The following IPCEF1 variants were observed in gnomAD, a reference collection of about 807,000 sequenced individuals.
IPCEF1 encodes interaction protein for cytohesin exchange factors 1, also known as interactor protein for cytohesin exchange factors 1.
Under a neutral mutation model 50.9 loss-of-function variants are expected in IPCEF1, and 31 were observed. That is an observed-to-expected ratio of 0.61 (90% CI 0.46 to 0.82). The LOEUF is 0.82. Among genes scored for constraint, IPCEF1 ranks in the 40% least tolerant of loss-of-function variants. The pLI, the probability that IPCEF1 is intolerant of heterozygous loss-of-function variation, is 0.00. For missense variants in IPCEF1, 458 were observed against 514.0 expected, an observed-to-expected ratio of 0.89 and a Z score of 1.05; for synonymous variants, 181 against 192.0, an observed-to-expected ratio of 0.94 and a Z score of 0.47.
Position 154,214,207 on chromosome 6 carries a change from A to C in IPCEF1, c.451+11T>G, listed in dbSNP as rs781470046. On this transcript the variant is annotated intron_variant, in intron 8 of 11. Transcript: ENST00000367220. Reference sequence around the variant, plus strand: ...CTTGCTAAATTTTCAGAAATTTAAAATAGAACATACCTTCATCCTTTGTAG... The same window carrying C: ...CTTGCTAAATTTTCAGAAATTTAAACTAGAACATACCTTCATCCTTTGTAG... 6.3e-7 allele frequency: 1 copy of C among 1,575,808 alleles called. No individual in the cohort carries two copies. Among genetic ancestry groups the C allele is most frequent in the Non-Finnish European group, 8.7e-7 (1 of 1,145,126 alleles).
At chr6:154,197,503 C>A (rs1776710431) in intron 10 of IPCEF1, among the ~76,000 whole-genome samples, 1 of 152,222 alleles carries the variant, frequency 6.6e-6, no homozygotes, top group East Asian at 1.9e-4. Context: ...TTTTCTTTTC[C>A]TTTTTACCAA....
At chr6:154,341,677 G>A (rs910144824) in intron 1 of IPCEF1, among the ~76,000 whole-genome samples, 1 of 152,112 alleles carries the variant, frequency 6.6e-6, no homozygotes, top group Admixed American at 6.6e-5. Context: ...CCACTGGAAG[G>A]TTCAATGCGT....
At chr6:154,295,550 G>A (rs1223653002) in intron 1 of IPCEF1, among the ~76,000 whole-genome samples, 3 of 152,076 alleles carry the variant, frequency 2.0e-5, no homozygotes, top group Non-Finnish European at 4.4e-5. Context: ...AGCATTGCTT[G>A]GGGAACAGAG....
At chr6:154,186,545 CCTTT>C (rs1801366604) in intron 10 of IPCEF1, among the ~76,000 whole-genome samples, 2 of 151,772 alleles carry the variant, frequency 1.3e-5, no homozygotes, top group Middle Eastern at 3.4e-3. Context: ...CAGAGCAGCT[CCTTT>C]CTTTCTTTTT....
chr6:154,188,371 A>G (rs1168363746), intron 10 of IPCEF1, among the ~76,000 whole-genome samples: 1 of 152,238 alleles, frequency 6.6e-6, no homozygotes, highest in Non-Finnish European at 1.5e-5. Context: ...AAATGGAGAG[A>G]GGTAAAGAGA....
rs1780300350 is a variant in IPCEF1 at position 154,238,316 on chromosome 6, C to T, written c.246+8275G>A. ...TGTTGCCCAGGCTAGAGTGCAATGGCGCTGTCTCGGCTCACTGCAACCTCT... is the reference window on the plus strand; with the variant it reads ...TGTTGCCCAGGCTAGAGTGCAATGGTGCTGTCTCGGCTCACTGCAACCTCT... On this transcript the variant is annotated intron_variant, in intron 5 of 11. Coordinates refer to ENST00000367220, the MANE Select transcript of IPCEF1 (RefSeq NM_001130700.2). Among the ~76,000 whole-genome samples, 6 of 152,194 alleles carry T rather than the reference C, an allele frequency of 3.9e-5. 1 individual carries two copies. The South Asian group carries it at 6.2e-4, about 16-fold the overall frequency.
intron 5 of IPCEF1, among the ~76,000 whole-genome samples, chr6:154,245,557 G>A (rs1159860115): frequency 6.6e-6 from 1 of 152,190 alleles, no homozygotes; most frequent in Non-Finnish European, 1.5e-5. Flanking sequence ...TACTTATTTT[G>A]CATTTATAAA....
In IPCEF1 at chr6:154,155,127, T is replaced by A. The variant is rs1446405990; in HGVS notation, c.*4701A>T. The A allele has an allele frequency of 6.6e-6, 1 of 152,166 alleles. No individual in the cohort carries two copies. Among genetic ancestry groups the A allele is most frequent in the Non-Finnish European group, 1.5e-5 (1 of 68,022 alleles). 9.4% of individuals were successfully genotyped at this position (152,166 alleles called of 1,614,324 possible). ...TGTGCTGAAGAGGCAAGGGAATTGCTTCCTGCCCCACGACACAGAGAAACG... is the reference window on the plus strand; with the variant it reads ...TGTGCTGAAGAGGCAAGGGAATTGCATCCTGCCCCACGACACAGAGAAACG... On this transcript the variant is annotated 3_prime_UTR_variant, in exon 12 of 12. Transcript: ENST00000367220.
At chr6:154,237,901 C>A (rs529654831) in intron 5 of IPCEF1, among the ~76,000 whole-genome samples, 1 of 152,168 alleles carries the variant, frequency 6.6e-6, no homozygotes, top group South Asian at 2.1e-4. Flanking sequence ...CTATAAATAT[C>A]AATTCAATAT....
intron 1 of IPCEF1, among the ~76,000 whole-genome samples, chr6:154,317,564 A>AAG (rs1328847341): frequency 6.7e-6 from 1 of 149,568 alleles, no homozygotes; most frequent in East Asian, 1.9e-4. Flanking sequence ...AAAAAAAAAA[A>AAG]AAAAAAAAAA....
chr6:154,228,287 C>A lies in IPCEF1; in HGVS notation c.247-5044G>T, dbSNP rs6917621. Among the ~76,000 whole-genome samples the A allele has an allele frequency of 4.1e-3, 597 of 144,500 alleles. 6 individuals are homozygous for A. Among genetic ancestry groups the A allele is most frequent in the African/African-American group, 0.015 (577 of 38,506 alleles). 94.8% of individuals were successfully genotyped at this position (144,500 alleles called of 152,430 possible). On this transcript the variant is annotated intron_variant, in intron 5 of 11. Coordinates refer to ENST00000367220, the MANE Select transcript of IPCEF1 (RefSeq NM_001130700.2). ...TCAAGACCAGCCCAGACAACATAGG[C>A]AGACCTTGTCTCTGTTTAAAAAAAA...
chr6:154,331,389 A>AAGAAAGAAAGAAAGAC (rs1783660571), intron 1 of IPCEF1, among the ~76,000 whole-genome samples: 1 of 138,058 alleles, frequency 7.2e-6, no homozygotes, highest in African/African-American at 2.6e-5. Flanking sequence ...GAAAGAAAGA[A>AAGAAAGAAAGAAAGAC]AGAAAGAAAG....
chr6:154,335,563 C>T (rs1390172183), intron 1 of IPCEF1, among the ~76,000 whole-genome samples: 2 of 151,852 alleles, frequency 1.3e-5, no homozygotes, highest in African/African-American at 2.4e-5. Flanking sequence ...AGGTCGAGCA[C>T]GGTGGCTCAT....
intron 5 of IPCEF1, among the ~76,000 whole-genome samples, chr6:154,234,191 C>T (rs1779935171): frequency 6.6e-6 from 1 of 152,082 alleles, no homozygotes; most frequent in Non-Finnish European, 1.5e-5. Context: ...GAGACCCCAT[C>T]TCTAAAAAAA....
At chr6:154,223,284 A>G (rs1000542321) in intron 5 of IPCEF1, 41 bp from the exon 6 acceptor site, 5 of 1,438,188 alleles carry the variant, frequency 3.5e-6, no homozygotes, top group African/African-American at 1.4e-5. Flanking sequence ...GAATGCATCA[A>G]TCCTGGGGAT....
chr6:154,273,811 T>G (rs916457579), intron 2 of IPCEF1, among the ~76,000 whole-genome samples: 1 of 131,270 alleles, frequency 7.6e-6, no homozygotes, highest in African/African-American at 2.8e-5. Context: ...TGGAGTGCAG[T>G]GGCGCCATCT....
intron 1 of IPCEF1, among the ~76,000 whole-genome samples, chr6:154,341,355 T>C (rs141743456): frequency 6.6e-6 from 1 of 152,250 alleles, no homozygotes; most frequent in Non-Finnish European, 1.5e-5. Flanking sequence ...TCAAGAGAGA[T>C]GGAGTACAAG....
chr6:154,351,009 C>A (rs533034012), intron 1 of IPCEF1, among the ~76,000 whole-genome samples: 1 of 152,168 alleles, frequency 6.6e-6, no homozygotes, highest in African/African-American at 2.4e-5. Flanking sequence ...CATCAACCAC[C>A]CCACCTGGCC....
chr6:154,195,143 C>CTTTTTTTT (rs1162086187), intron 10 of IPCEF1, among the ~76,000 whole-genome samples: 38 of 133,484 alleles, frequency 2.8e-4, no homozygotes, highest in African/African-American at 1.1e-3. Flanking sequence ...TTTTTCTTTT[C>CTTTTTTTT]TTTCTTTTTT....
Sources: allele counts gnomAD v4.1 joint callset (sites outside exome capture counted in the v4.1 genomes callset), GRCh38; gene constraint gnomAD v4.1.1; transcripts MANE v1.5; gene names NCBI Gene and HGNC (gene_info 2026-07-23, HGNC 2026-07-21).